The following ANKRD42 variants were observed in gnomAD, a reference collection of about 807,000 sequenced individuals.
ANKRD42 encodes the protein ankyrin repeat domain 42.
Under a neutral mutation model 51.5 loss-of-function variants are expected in ANKRD42, and 43 were observed. That is an observed-to-expected ratio of 0.83 (90% CI 0.65 to 1.08). The LOEUF is 1.08. Among genes scored for constraint, ANKRD42 ranks in the 50% least tolerant of loss-of-function variants. The pLI, the probability that ANKRD42 is intolerant of heterozygous loss-of-function variation, is 0.00. For synonymous variants in ANKRD42, 203 were observed against 213.0 expected (o/e 0.95, Z 0.41); for missense variants, 608 against 629.3 (o/e 0.97, Z 0.36).
chr11:83,204,796 A>G (rs1460821392), intron 2 of ANKRD42, among the ~76,000 whole-genome samples: 1 of 152,202 alleles, frequency 6.6e-6, no homozygotes, highest in Non-Finnish European at 1.5e-5. Flanking sequence ...TAACCAGATT[A>G]TATAAGGAAC....
chr11:83,255,955 A>T, exon 12 of ANKRD42: 1 of 1,489,662 alleles, frequency 6.7e-7, no homozygotes, highest in Non-Finnish European at 8.9e-7. Flanking sequence ...AACTAAATTG[A>T]CCTGCTAGAT....
At chr11:83,219,379 G>A (rs986953815) in intron 5 of ANKRD42, among the ~76,000 whole-genome samples, 8 of 152,192 alleles carry the variant, frequency 5.3e-5, no homozygotes, top group Non-Finnish European at 7.3e-5. Context: ...GGCCTGGGTC[G>A]GGGGCACCAC....
rs539259244 is a variant in ANKRD42, at chr11:83,242,567, G to GTTTTTTTTTTTTTTTTT, written c.1195+1635_1195+1651dup. On this transcript the variant is annotated intron_variant, in intron 9 of 10. Transcript: ENST00000533342. ...GGGGAATTCGGTGAATGGTAGTTAAGTTTTTTTTTTTTTTTTTTAGATGGA... is the reference window on the plus strand; with the variant it reads ...GGGGAATTCGGTGAATGGTAGTTAAGTTTTTTTTTTTTTTTTTTTTTTTTTTTTTTTTTTTAGATGGA... Among the ~76,000 whole-genome samples the GTTTTTTTTTTTTTTTTT allele has an allele frequency of 2.9e-4, 34 of 115,540 alleles. 3 individuals are homozygous for GTTTTTTTTTTTTTTTTT. The highest frequency in any genetic ancestry group is 2.5e-3 in the South Asian group (8 of 3,190). 75.8% of individuals were successfully genotyped at this position (115,540 alleles called of 152,430 possible).
chr11:83,207,177 G>A (rs142141859), intron 3 of ANKRD42, among the ~76,000 whole-genome samples: 3,020 of 152,206 alleles, frequency 0.02, 40 homozygotes, highest in Middle Eastern at 0.085. Flanking sequence ...ATCAGATCTC[G>A]TGAGAACTCA....
chr11:83,237,767 C>G (rs1028600762), intron 8 of ANKRD42, among the ~76,000 whole-genome samples: 1 of 152,122 alleles, frequency 6.6e-6, no homozygotes, highest in Non-Finnish European at 1.5e-5. Flanking sequence ...TATATTTGTA[C>G]GGTACAACTG....
At chr11:83,234,434 A>G (rs1863167560) in intron 7 of ANKRD42, among the ~76,000 whole-genome samples, 1 of 152,152 alleles carries the variant, frequency 6.6e-6, no homozygotes, top group African/African-American at 2.4e-5. Flanking sequence ...AATTATTTCA[A>G]GTCATTTCTT....
At chr11:83,220,440 C>T (rs1178395042) in intron 5 of ANKRD42, among the ~76,000 whole-genome samples, 3 of 152,148 alleles carry the variant, frequency 2.0e-5, no homozygotes, top group African/African-American at 4.8e-5. Flanking sequence ...CCTGGACACT[C>T]CTGGCAGGCT....
In ANKRD42 at chr11:83,245,643, T is replaced by C; in HGVS notation, c.1322+19T>C. The C allele has an allele frequency of 1.3e-6, 2 of 1,522,350 alleles. No homozygotes were observed. The highest frequency in any genetic ancestry group is 1.8e-6 in the Non-Finnish European group (2 of 1,141,368). The allele number at this position is 1,522,350 out of a possible 1,614,324, so 94.3% of individuals were successfully genotyped here. On this transcript the variant is annotated intron_variant, in intron 10 of 10. Coordinates refer to ENST00000533342, the MANE Select transcript of ANKRD42 (RefSeq NM_001300975.2). ...CTGAAAAGTAATGTCCTTAAAACTTTAATGATTTGTTTTTAAATACCTCTC... is the reference window on the plus strand; with the variant it reads ...CTGAAAAGTAATGTCCTTAAAACTTCAATGATTTGTTTTTAAATACCTCTC...
At chr11:83,233,229 T>A (rs994550258) in intron 7 of ANKRD42, among the ~76,000 whole-genome samples, 34 of 151,134 alleles carry the variant, frequency 2.2e-4, no homozygotes, top group Non-Finnish European at 2.4e-4. Flanking sequence ...TTTTTTTTTT[T>A]AACTGGGAGA....
At chr11:83,241,712 T>C (rs960455037) in intron 9 of ANKRD42, among the ~76,000 whole-genome samples, 2 of 152,154 alleles carry the variant, frequency 1.3e-5, no homozygotes, top group African/African-American at 4.8e-5. Flanking sequence ...ATTTTTCCCC[T>C]TTTTTCACTA....
intron 11 of ANKRD42, among the ~76,000 whole-genome samples, chr11:83,255,332 CAGTG>C (rs1315158370): frequency 6.6e-6 from 1 of 152,090 alleles, no homozygotes; most frequent in African/African-American, 2.4e-5. Flanking sequence ...TATTTAGAAA[CAGTG>C]AGACCAGGAG....
intron 5 of ANKRD42, among the ~76,000 whole-genome samples, chr11:83,223,433 AT>A (rs1416879869): frequency 1.3e-5 from 2 of 152,150 alleles, no homozygotes; most frequent in Admixed American, 1.3e-4. Context: ...GGTTCTGTAT[AT>A]ATTTTGAAGG....
intron 5 of ANKRD42, 25 bp from the exon 6 acceptor site, chr11:83,224,830 A>T (rs764379589): frequency 6.6e-7 from 1 of 1,521,902 alleles, no homozygotes; most frequent in Non-Finnish European, 8.8e-7. Flanking sequence ...TAAAAATTAA[A>T]TTAATTTTTT....
chr11:83,240,759 G>T lies in ANKRD42; in HGVS notation c.1020G>T (p.Arg340Ser), dbSNP rs771582271. The T allele has an allele frequency of 1.9e-6, 3 of 1,613,738 alleles. No homozygotes were observed. The East Asian group carries it at 6.7e-5, about 36-fold the overall frequency. The change falls in exon 9 of 11, where the codon AGG becomes AGT. Residue 340 changes from arginine (R) to serine (S), a missense_variant and splice_region_variant. Physicochemically the swap from Arg to Ser is moderately radical, Grantham distance 110. Coordinates refer to ENST00000533342, the MANE Select transcript of ANKRD42 (RefSeq NM_001300975.2). ...AGERPSDVAKRFAHLAAVKLL... is the reference protein window; with the variant it reads ...AGERPSDVAKSFAHLAAVKLL... ...GTTAGTTATTGATTCTTTTCTACAG[G>T]TTTGCCCATTTGGCAGCAGTGAAGC... is the stretch of plus-strand genomic sequence containing the variant.
chr11:83,250,273 GA>G (rs1863651808), downstream of ANKRD42, among the ~76,000 whole-genome samples: 1 of 151,826 alleles, frequency 6.6e-6, no homozygotes, highest in African/African-American at 2.4e-5. Context: ...TTTTTACTGA[GA>G]AAAAAAATTA....
At chr11:83,242,685 C>T (rs1863430514) in intron 9 of ANKRD42, among the ~76,000 whole-genome samples, 1 of 151,280 alleles carries the variant, frequency 6.6e-6, no homozygotes, top group Non-Finnish European at 1.5e-5. Context: ...TCTGCCTCAG[C>T]CTCCCGAGTA....
downstream of ANKRD42, chr11:83,259,711 C>T (rs1863846560): frequency 6.6e-6 from 1 of 152,034 alleles, no homozygotes. Context: ...AGTGCAGTGA[C>T]TATTTATAGG....
At chr11:83,221,063 G>C (rs118067677) in intron 5 of ANKRD42, among the ~76,000 whole-genome samples, 56 of 151,938 alleles carry the variant, frequency 3.7e-4, no homozygotes, top group Non-Finnish European at 7.7e-4. Context: ...TCTTGTAGGT[G>C]ATTTTCATTT....
At chr11:83,222,516 A>G (rs1590987681) in intron 5 of ANKRD42, among the ~76,000 whole-genome samples, 2 of 152,204 alleles carry the variant, frequency 1.3e-5, no homozygotes, top group African/African-American at 2.4e-5. Context: ...GGAATTTGAA[A>G]TAAGTCCTCA....
Sources: allele counts gnomAD v4.1 joint callset (sites outside exome capture counted in the v4.1 genomes callset), GRCh38; gene constraint gnomAD v4.1.1; transcripts MANE v1.5; gene names NCBI Gene and HGNC (gene_info 2026-07-23, HGNC 2026-07-21).